Variants in PI16 observed in about 807,000 individuals in gnomAD.
The protein encoded by PI16 is PSP94-binding protein.
A neutral mutation model predicts 38.0 loss-of-function variants in PI16; 35 were observed. The ratio of observed to expected loss-of-function variants is 0.92; its 90% CI spans 0.70 to 1.22. The LOEUF (loss-of-function observed/expected upper bound fraction) is 1.22. PI16 is among the 50% of genes most tolerant of loss of function. The probability of loss-of-function intolerance (pLI) is 0.00; values close to 1 mark genes in which losing one functional copy is unlikely to be tolerated. For missense variants in PI16, 572 were observed against 593.8 expected (o/e 0.96, Z 0.38); for synonymous variants, 275 against 252.9 (o/e 1.09, Z -0.83).
At chr6:36,949,931 G>A (rs1763073152), upstream of PI16, among the ~76,000 whole-genome samples, 1 of 151,872 alleles carries the variant, frequency 6.6e-6, no homozygotes, top group South Asian at 2.1e-4. Flanking sequence ...AGTGGCCTGG[G>A]TTGTAAAGGC....
intron 2 of PI16, 37 bp downstream of exon 2, chr6:36,959,403 C>A: frequency 6.6e-7 from 1 of 1,520,844 alleles, no homozygotes; most frequent in Non-Finnish European, 8.8e-7. Context: ...CGGAGCCTCG[C>A]GGCGTGGGGG....
chr6:36,963,451 TG>T lies in PI16; in HGVS notation c.1111del (p.Ala371ProfsTer67). 6.2e-7 allele frequency: 1 copy of T among 1,614,188 alleles called. No homozygotes were observed. The highest frequency in any genetic ancestry group is 8.5e-7 in the Non-Finnish European group (1 of 1,180,040). ...EAELPPSSEV[L>X]ASVFPAQDKP... is the part of the protein sequence containing the mutation. ...GAGTTGCCTCCTTCCAGTGAGGTCT[TG>T]GCCTCAGTTTTTCCAGCCCAGGACA... On this transcript the variant is annotated frameshift_variant, in exon 5 of 7. Coordinates refer to ENST00000373674, the MANE Select transcript of PI16 (RefSeq NM_153370.3). LOFTEE classifies it high-confidence loss of function.
In PI16 at chr6:36,962,067, C is replaced by A; in HGVS notation, c.592+93C>A. On this transcript the variant is annotated intron_variant, in intron 4 of 6. Transcript: ENST00000373674. This position sits in a 1 kb window ranked among gnomAD's most constrained non-coding sequence, Gnocchi z 4.1. ...AAGAGCCTCCCTGGACTGAGCGGGA[C>A]GTGGGCAGGGAAGGAGCCTGGTGGG... The A allele has an allele frequency of 8.9e-7, 1 of 1,128,144 alleles. No individual in the cohort carries two copies. The highest frequency in any genetic ancestry group is 1.3e-6 in the Non-Finnish European group (1 of 752,164). 69.9% of individuals were successfully genotyped at this position (1,128,144 alleles called of 1,614,324 possible).
chr6:36,961,400 G>A, intron 2 of PI16, 51 bp from the exon 3 acceptor site: 1 of 1,512,702 alleles, frequency 6.6e-7, no homozygotes, highest in Non-Finnish European at 9.2e-7. Context: ...TGCCAGGAAG[G>A]CACCATGCCA....
At position 36,960,775 on chromosome 6, in the gene PI16, C is replaced by G. The variant is rs146345900; in HGVS notation, c.394-676C>G. 4.3e-4 allele frequency among the ~76,000 whole-genome samples: 66 copies of G among 151,900 alleles called. No individual in the cohort carries two copies. The East Asian group carries it at 0.011, about 25-fold the overall frequency. The stretch of plus-strand genomic sequence containing the variant: ...GGGTGCATGCACTCTGGAGTCGTTT[C>G]TGCCCAGAAGGTGCTCAACACGGGG... On this transcript the variant is annotated intron_variant, in intron 2 of 6. Transcript: ENST00000373674.
chr6:36,948,618 T>C (rs553055842), intron 1 of PI16, among the ~76,000 whole-genome samples: 13 of 73,162 alleles, frequency 1.8e-4, no homozygotes, highest in East Asian at 1.4e-3. Flanking sequence ...TTCTTTTTTT[T>C]TTTCCTTCCT....
At chr6:36,954,594 G>T (rs1356546116), upstream of PI16, 12 of 1,081,888 alleles carry the variant, frequency 1.1e-5, 1 homozygote, top group East Asian at 3.1e-4. Context: ...CTTGATGCTG[G>T]TCGGGACCCA....
chr6:36,960,325 ATGTGTG>A (rs10664545), intron 2 of PI16, among the ~76,000 whole-genome samples: 19,181 of 139,924 alleles, frequency 0.14, 1,357 homozygotes, highest in East Asian at 0.3. Flanking sequence ...TGCAGATAAG[ATGTGTG>A]TGTGTGTGTG....
intron 2 of PI16, among the ~76,000 whole-genome samples, chr6:36,960,410 G>A (rs76263699): frequency 0.033 from 4,917 of 150,848 alleles, 113 homozygotes; most frequent in Admixed American, 0.045. Flanking sequence ...TCTCCTCCCA[G>A]TGCTTATGTG....
chr6:36,960,406 C>A (rs1763329860), intron 2 of PI16, among the ~76,000 whole-genome samples: 1 of 150,622 alleles, frequency 6.6e-6, no homozygotes, highest in East Asian at 1.9e-4. Context: ...TTTTTCTCCT[C>A]CCAGTGCTTA....
At chr6:36,963,743 C>T (rs1763438197) in intron 5 of PI16, 80 bp from the exon 6 acceptor site, 1 of 1,531,852 alleles carries the variant, frequency 6.5e-7, no homozygotes, top group South Asian at 1.3e-5. Flanking sequence ...GCTGCTGCCC[C>T]ACCTCCTTGC....
chr6:36,959,061 T>C, intron 1 of PI16, 84 bp from the exon 2 acceptor site: 1 of 1,236,972 alleles, frequency 8.1e-7, no homozygotes, highest in Non-Finnish European at 1.1e-6. Flanking sequence ...CCGGAAGGAT[T>C]TCCCCACGAC....
Position 36,962,483 on chromosome 6 carries a change from C to CTTTTTT in PI16, c.593-449_593-444dup, listed in dbSNP as rs1055941941. Among the ~76,000 whole-genome samples the CTTTTTT allele has an allele frequency of 6.6e-6, 1 of 151,302 alleles. No individual in the cohort carries two copies. The highest frequency in any genetic ancestry group is 2.4e-5 in the African/African-American group (1 of 41,312). On this transcript the variant is annotated intron_variant, in intron 4 of 6. Transcript: ENST00000373674. The surrounding 1 kb of genome is among the most constrained non-coding windows in gnomAD (Gnocchi z 4.1). ...TTCTTTTCTTTTCTTTTTTCTTTTT[C>CTTTTTT]TTTTTTTTGACGGAGTTTTGCTCTT...
intron 1 of PI16, among the ~76,000 whole-genome samples, chr6:36,958,787 G>A (rs936351256): frequency 6.6e-6 from 1 of 152,166 alleles, no homozygotes; most frequent in Non-Finnish European, 1.5e-5. Context: ...AGAAGTTCAA[G>A]GAGGACTGGG....
chr6:36,953,473 G>A (rs1482839779), upstream of PI16, among the ~76,000 whole-genome samples: 1 of 151,880 alleles, frequency 6.6e-6, no homozygotes, highest in Non-Finnish European at 1.5e-5. Flanking sequence ...ATTTCTATGT[G>A]TTAATTTTGT....
chr6:36,954,634 T>G, upstream of PI16: 1 of 1,439,644 alleles, frequency 6.9e-7, no homozygotes, highest in Non-Finnish European at 9.3e-7. Flanking sequence ...AGACATTGTG[T>G]GAGTCGGGCT....
At position 36,963,891 on chromosome 6, in the gene PI16, C is replaced by T; in HGVS notation, c.1339C>T (p.Pro447Ser). Residue 447 changes from proline to serine, a missense_variant, in exon 6 of 7, where the codon CCT (proline) becomes TCT (serine). By Grantham distance (74) the Pro-to-Ser change is moderately conservative. Transcript: ENST00000373674. The part of the protein sequence containing the change: ...LNSGPGHVWG[P>S]LLGLLLLPPL... ...CTCGGGCCCTGGTCATGTGTGGGGC[C>T]CTCTCCTGGGACTACTGCTCCTGCC... 6.2e-7 allele frequency: 1 copy of T among 1,613,754 alleles called. No individual in the cohort carries two copies. The highest frequency in any genetic ancestry group is 8.5e-7 in the Non-Finnish European group (1 of 1,179,840).
intron 3 of PI16, 33 bp downstream of exon 3, chr6:36,961,593 G>C (rs766022996): frequency 3.1e-6 from 5 of 1,596,068 alleles, no homozygotes; most frequent in Non-Finnish European, 3.4e-6. Context: ...GAGATGGAGA[G>C]GGGGAAGGCA....
chr6:36,961,706 A>T (rs1277769037), intron 3 of PI16, 146 bp downstream of exon 3: 1 of 897,230 alleles, frequency 1.1e-6, no homozygotes, highest in Non-Finnish European at 1.8e-6. Flanking sequence ...GAAGGCACCA[A>T]TGGGGGTCTG....
Sources: gnomAD v4.1 joint callset for allele counts (sites outside exome capture counted in the v4.1 genomes callset) on GRCh38, gnomAD v4.1.1 for gene constraint, Gnocchi (gnomAD v3.1) non-coding constraint, MANE v1.5 for transcripts, NCBI Gene and HGNC (gene_info 2026-07-23, HGNC 2026-07-21) for gene names.